GRAMD1C: variants seen among roughly 807,000 people sequenced by gnomAD.
GRAMD1C encodes GRAM domain containing 1C, also known as protein Aster-C.
In GRAMD1C, 89 loss-of-function variants were observed where a neutral mutation model predicts 97.8. That is an observed-to-expected ratio of 0.91 (90% CI 0.77 to 1.09). The LOEUF (loss-of-function observed/expected upper bound fraction) is 1.09, where lower values mean the gene tolerates loss of function less well. Among genes scored for constraint, GRAMD1C ranks in the 50% least tolerant of loss-of-function variants. The pLI, the probability that GRAMD1C is intolerant of heterozygous loss-of-function variation, is 0.00. For synonymous variants in GRAMD1C, 256 were observed against 267.0 expected (o/e 0.96, Z 0.40); for missense variants, 740 against 766.4 (o/e 0.97, Z 0.41).
chr3:113,897,410 A>G, intron 6 of GRAMD1C: 4 of 309,196 alleles, frequency 1.3e-5, no homozygotes, highest in Non-Finnish European at 1.9e-5. Context: ...AAAATTAGGA[A>G]CTGTCCCTTT....
chr3:113,877,712 G>A (rs184482176), intron 5 of GRAMD1C, among the ~76,000 whole-genome samples: 37 of 151,972 alleles, frequency 2.4e-4, no homozygotes, highest in African/African-American at 7.0e-4. Context: ...TTGAACGTTC[G>A]ATTAAGGTGG....
intron 9 of GRAMD1C, among the ~76,000 whole-genome samples, chr3:113,914,820 C>T (rs929775683): frequency 1.3e-5 from 2 of 151,956 alleles, no homozygotes; most frequent in Non-Finnish European, 2.9e-5. Context: ...GGAGCCTCGG[C>T]AATTATTTCT....
chr3:113,849,966 G>A (rs548331761), intron 2 of GRAMD1C, among the ~76,000 whole-genome samples: 35 of 146,570 alleles, frequency 2.4e-4, no homozygotes, highest in African/African-American at 8.8e-4. Flanking sequence ...CTGACCGGGC[G>A]GGGGGCTGAC....
At chr3:113,864,206 G>A (rs982178018) in intron 2 of GRAMD1C, among the ~76,000 whole-genome samples, 3 of 152,024 alleles carry the variant, frequency 2.0e-5, no homozygotes, top group Non-Finnish European at 2.9e-5. Context: ...TCTGCCTCCT[G>A]GGTTCAAGTG....
intron 17 of GRAMD1C, among the ~76,000 whole-genome samples, chr3:113,942,047 G>A (rs1937817791): frequency 6.6e-6 from 1 of 151,542 alleles, no homozygotes; most frequent in East Asian, 1.9e-4. Context: ...TCCCGTAGCT[G>A]GAACTTCAGG....
intron 15 of GRAMD1C, chr3:113,938,746 C>T (rs1937633456): frequency 6.6e-6 from 1 of 152,216 alleles, no homozygotes; most frequent in Non-Finnish European, 1.5e-5. Context: ...TCCACTCAGC[C>T]AGTCATATTT....
intron 1 of GRAMD1C, among the ~76,000 whole-genome samples, chr3:113,831,136 C>G (rs1559768775): frequency 6.6e-6 from 1 of 152,142 alleles, no homozygotes; most frequent in Admixed American, 6.5e-5. Context: ...TATAATGTAA[C>G]CTACACTTTA....
intron 6 of GRAMD1C, among the ~76,000 whole-genome samples, chr3:113,887,776 C>A (rs1431050944): frequency 7.0e-6 from 1 of 142,910 alleles, no homozygotes; most frequent in Non-Finnish European, 1.5e-5. Flanking sequence ...AAAAAGAAGA[C>A]TACAATTGTA....
At chr3:113,926,993 C>G (rs538282990) in intron 10 of GRAMD1C, among the ~76,000 whole-genome samples, 1 of 152,136 alleles carries the variant, frequency 6.6e-6, no homozygotes, top group East Asian at 1.9e-4. Flanking sequence ...CTGTGCTGCT[C>G]ATGAATGCCA....
intron 11 of GRAMD1C, among the ~76,000 whole-genome samples, chr3:113,931,463 A>G (rs1937416905): frequency 6.6e-6 from 1 of 151,280 alleles, no homozygotes; most frequent in Non-Finnish European, 1.5e-5. Flanking sequence ...GGTTCAAGCG[A>G]TTCTCCTGTC....
At chr3:113,902,375 G>T (rs1443740412) in intron 7 of GRAMD1C, among the ~76,000 whole-genome samples, 1 of 152,012 alleles carries the variant, frequency 6.6e-6, no homozygotes, top group African/African-American at 2.4e-5. Context: ...GCCTCTTGCC[G>T]GCTCTGGATT....
chr3:113,895,559 C>T (rs1010283430), intron 6 of GRAMD1C, among the ~76,000 whole-genome samples: 1 of 152,128 alleles, frequency 6.6e-6, no homozygotes, highest in Non-Finnish European at 1.5e-5. Context: ...CAAAAGTTTT[C>T]CAGTAGTGCT....
At chr3:113,887,928 A>C (rs1935577967) in intron 6 of GRAMD1C, among the ~76,000 whole-genome samples, 1 of 152,184 alleles carries the variant, frequency 6.6e-6, no homozygotes, top group African/African-American at 2.4e-5. Context: ...CACAAACTAC[A>C]AAAACTGACT....
At chr3:113,858,066 T>C (rs912009578) in intron 2 of GRAMD1C, among the ~76,000 whole-genome samples, 3 of 152,178 alleles carry the variant, frequency 2.0e-5, no homozygotes, top group African/African-American at 7.2e-5. Context: ...TTGTATAGAA[T>C]TAATTTTTTT....
At chr3:113,849,017 A>C (rs1933736475) in intron 2 of GRAMD1C, among the ~76,000 whole-genome samples, 1 of 152,002 alleles carries the variant, frequency 6.6e-6, no homozygotes, top group African/African-American at 2.4e-5. Flanking sequence ...CTCTTAAAAC[A>C]AAAGACTTAC....
intron 8 of GRAMD1C, among the ~76,000 whole-genome samples, chr3:113,907,621 A>AAC (rs1936416445): frequency 6.6e-6 from 1 of 152,234 alleles, no homozygotes; most frequent in Admixed American, 6.5e-5. Flanking sequence ...AGTTGGAAAT[A>AAC]ACAAAAAGTC....
intron 3 of GRAMD1C, among the ~76,000 whole-genome samples, chr3:113,872,495 A>G (rs1485315006): frequency 2.0e-5 from 3 of 149,822 alleles, no homozygotes; most frequent in Non-Finnish European, 4.4e-5. Context: ...CCCAGGTTCA[A>G]GTGATTCTCG....
intron 6 of GRAMD1C, among the ~76,000 whole-genome samples, chr3:113,890,402 A>G (rs941100817): frequency 3.9e-5 from 6 of 152,190 alleles, no homozygotes; most frequent in African/African-American, 1.4e-4. Flanking sequence ...CCTGCAGTGC[A>G]TGTCGTCTAC....
At chr3:113,893,837 C>T (rs1275553779) in intron 6 of GRAMD1C, among the ~76,000 whole-genome samples, 1 of 152,140 alleles carries the variant, frequency 6.6e-6, no homozygotes, top group Non-Finnish European at 1.5e-5. Flanking sequence ...AGTAGAACTT[C>T]AATGATTTGG....
Sources: allele counts gnomAD v4.1 joint callset (sites outside exome capture counted in the v4.1 genomes callset), GRCh38; gene constraint gnomAD v4.1.1; transcripts MANE v1.5; gene names NCBI Gene and HGNC (gene_info 2026-07-23, HGNC 2026-07-21).